ARFGEF1: variants seen among roughly 807,000 people sequenced by gnomAD.
The protein encoded by ARFGEF1 is ARF guanine nucleotide exchange factor 1.
Under a neutral mutation model 231.0 loss-of-function variants are expected in ARFGEF1, and 42 were observed. That is an observed-to-expected ratio of 0.18 (90% CI 0.14 to 0.24). The LOEUF (loss-of-function observed/expected upper bound fraction) is 0.24, where lower values mean the gene tolerates loss of function less well. Among genes scored for constraint, ARFGEF1 ranks in the 10% least tolerant of loss-of-function variants. ARFGEF1 has a pLI of 1.00. For synonymous variants in ARFGEF1, 710 were observed against 732.3 expected, an observed-to-expected ratio of 0.97 and a Z score of 0.49; for missense variants, 1,345 against 2,192.0, an observed-to-expected ratio of 0.61 and a Z score of 7.72.
chr8:67,334,030 G>C (rs1387522288), intron 1 of ARFGEF1, among the ~76,000 whole-genome samples: 1 of 151,800 alleles, frequency 6.6e-6, no homozygotes, highest in East Asian at 1.9e-4. Flanking sequence ...CAGCTACTTG[G>C]GAGGCTGAGA....
At chr8:67,297,702 T>C (rs1806296453) in intron 4 of ARFGEF1, among the ~76,000 whole-genome samples, 1 of 152,266 alleles carries the variant, frequency 6.6e-6, no homozygotes, top group Non-Finnish European at 1.5e-5. Context: ...TTTGTCTTCT[T>C]TATGTTGTAC....
At chr8:67,321,562 G>T (rs142420264) in intron 1 of ARFGEF1, among the ~76,000 whole-genome samples, 2,392 of 152,214 alleles carry the variant, frequency 0.016, 58 homozygotes, top group African/African-American at 0.053. Context: ...CCGGGTTCAC[G>T]CTATTCTCCT....
Position 67,197,927 on chromosome 8 carries a change from GC to G in ARFGEF1, c.*1006del. 1.0e-6 allele frequency: 1 copy of G among 985,734 alleles called. No homozygotes were observed. Among genetic ancestry groups the G allele is most frequent in the Non-Finnish European group, 1.2e-6 (1 of 829,920 alleles). The allele number at this position is 985,734 out of a possible 1,614,324, so 61.1% of individuals were successfully genotyped here. A position where few individuals can be genotyped will look rare whatever the true frequency, so the allele number is the denominator to read the frequency against. On this transcript the variant is annotated 3_prime_UTR_variant, in exon 39 of 39. Coordinates refer to ENST00000262215, the MANE Select transcript of ARFGEF1 (RefSeq NM_006421.5). ...AGTAAATCTAACCTCCGCAAACCAT[GC>G]CAGATTTGTTATTTTAATATATTCA...
intron 5 of ARFGEF1, among the ~76,000 whole-genome samples, chr8:67,181,532 A>G (rs940704257): frequency 6.6e-6 from 1 of 151,932 alleles, no homozygotes; most frequent in Non-Finnish European, 1.5e-5. Flanking sequence ...ATGACACTAG[A>G]GCAAAGATAC....
chr8:67,298,966 A>G (rs959938873), intron 4 of ARFGEF1, among the ~76,000 whole-genome samples: 7 of 152,108 alleles, frequency 4.6e-5, no homozygotes, highest in African/African-American at 1.7e-4. Context: ...TATTTTTAGT[A>G]GAGATGGGGG....
At chr8:67,274,898 G>T (rs915078602) in intron 9 of ARFGEF1, among the ~76,000 whole-genome samples, 26 of 152,042 alleles carry the variant, frequency 1.7e-4, no homozygotes, top group African/African-American at 6.0e-4. Flanking sequence ...ATTTTTTAAT[G>T]AGATTTTTGA....
intron 33 of ARFGEF1, among the ~76,000 whole-genome samples, 154 bp downstream of exon 33, chr8:67,216,436 T>TAA (rs111756530): frequency 1.3e-5 from 2 of 149,172 alleles, no homozygotes; most frequent in Non-Finnish European, 3.0e-5. Context: ...TTCGTAATTG[T>TAA]AAAAAAAAAA....
intron 6 of ARFGEF1, among the ~76,000 whole-genome samples, chr8:67,288,968 A>C (rs998845789): frequency 3.9e-5 from 6 of 152,168 alleles, no homozygotes; most frequent in African/African-American, 1.2e-4. Flanking sequence ...ACAAAAAAAA[A>C]ACAAAATCAC....
Position 67,287,861 on chromosome 8 carries a change from A to G in ARFGEF1, c.1027+94T>C, listed in dbSNP as rs971748947. The stretch of plus-strand genomic sequence containing the variant: ...TCCATTGGTTGGCTCCAAACGTTTT[A>G]ATTTTGCCCTTTCTATTCCAGACAT... On this transcript the variant is annotated intron_variant, in intron 7 of 38. Transcript: ENST00000262215. 5.9e-6 allele frequency: 5 copies of G among 853,174 alleles called. No homozygotes were observed. The African/African-American group carries it at 7.0e-5, about 12-fold the overall frequency. 52.9% of individuals were successfully genotyped at this position (853,174 alleles called of 1,614,324 possible).
intron 1 of ARFGEF1, among the ~76,000 whole-genome samples, chr8:67,318,880 G>A (rs996891106): frequency 1.1e-4 from 16 of 152,222 alleles, no homozygotes; most frequent in African/African-American, 3.9e-4. Flanking sequence ...GGCCAAGGCA[G>A]GAGGATCACT....
In ARFGEF1 at chr8:67,284,244, AC is replaced by A. The variant is rs575184099; in HGVS notation, c.1027+3710del. On this transcript the variant is annotated intron_variant, in intron 7 of 38. Transcript: ENST00000262215. ...ACACACACATACATGCAGTACTCTA[AC>A]AAAAAATGAGAGAAAGGGAAATAAA... Among the ~76,000 whole-genome samples, 3 of 152,280 alleles carry A rather than the reference AC, an allele frequency of 2.0e-5. No homozygotes were observed. The South Asian group carries it at 6.2e-4, about 32-fold the overall frequency.
intron 1 of ARFGEF1, among the ~76,000 whole-genome samples, chr8:67,309,368 T>C (rs1164631339): frequency 1.3e-5 from 2 of 152,226 alleles, no homozygotes; most frequent in Admixed American, 1.3e-4. Context: ...ACATTTTTCA[T>C]TCTTCTTTGC....
At chr8:67,238,214 T>G in intron 22 of ARFGEF1, 129 bp downstream of exon 22, 1 of 961,154 alleles carries the variant, frequency 1.0e-6, no homozygotes, top group South Asian at 2.2e-5. Flanking sequence ...TTAGTCATCT[T>G]GCTTTTTCTC....
chr8:67,293,410 T>C (rs1440928912), intron 5 of ARFGEF1, among the ~76,000 whole-genome samples: 1 of 152,010 alleles, frequency 6.6e-6, no homozygotes. Context: ...ATCAAACCAA[T>C]AAAACTTTGT....
chr8:67,214,556 C>CT (rs1838860524), intron 33 of ARFGEF1, among the ~76,000 whole-genome samples: 1 of 152,126 alleles, frequency 6.6e-6, no homozygotes, highest in Admixed American at 6.6e-5. Flanking sequence ...GGAAAGCATG[C>CT]TTTGGAGAGA....
chr8:67,200,654 A>C, intron 37 of ARFGEF1, 141 bp from the exon 38 acceptor site: 1 of 618,048 alleles, frequency 1.6e-6, no homozygotes, highest in Non-Finnish European at 2.9e-6. Flanking sequence ...CATTAGCTGG[A>C]GTGTCAACAT....
intron 4 of ARFGEF1, among the ~76,000 whole-genome samples, chr8:67,298,098 G>A (rs1806316961): frequency 7.2e-6 from 1 of 139,764 alleles, no homozygotes; most frequent in Non-Finnish European, 1.5e-5. Context: ...GAGCTACCAT[G>A]CCCAGTATTT....
downstream of ARFGEF1, chr8:67,193,681 G>A (rs1057486708): frequency 3.8e-5 from 48 of 1,258,944 alleles, no homozygotes; most frequent in Non-Finnish European, 5.0e-5. Context: ...TTTCACTAAC[G>A]TCTGAGGGAT....
intron 10 of ARFGEF1, among the ~76,000 whole-genome samples, chr8:67,270,595 AAAC>A (rs912331184): frequency 8.0e-4 from 122 of 152,216 alleles, no homozygotes; most frequent in African/African-American, 2.8e-3. Context: ...ATCACAACCA[AAAC>A]AACATTTCAA....
Sources: allele counts gnomAD v4.1 joint callset (sites outside exome capture counted in the v4.1 genomes callset), GRCh38; gene constraint gnomAD v4.1.1; transcripts MANE v1.5; gene names NCBI Gene and HGNC (gene_info 2026-07-23, HGNC 2026-07-21).